PNLIPRP3: variants seen among roughly 807,000 people sequenced by gnomAD.
The protein encoded by PNLIPRP3 is pancreatic lipase-related protein 3.
A neutral mutation model predicts 52.8 loss-of-function variants in PNLIPRP3; 58 were observed. The ratio of observed to expected loss-of-function variants is 1.10; its 90% CI spans 0.89 to 1.37. The LOEUF (loss-of-function observed/expected upper bound fraction) is 1.37, where lower values mean the gene tolerates loss of function less well. PNLIPRP3 is among the 40% of genes most tolerant of loss of function. The pLI, the probability that PNLIPRP3 is intolerant of heterozygous loss-of-function variation, is 0.00. For missense variants in PNLIPRP3, 593 were observed against 561.6 expected, an observed-to-expected ratio of 1.06 and a Z score of -0.57; for synonymous variants, 192 against 185.0, an observed-to-expected ratio of 1.04 and a Z score of -0.31.
Position 116,458,435 on chromosome 10 carries a change from T to C in PNLIPRP3, c.566-2531T>C, listed in dbSNP as rs538084156. On this transcript the variant is annotated intron_variant, in intron 5 of 11. Coordinates refer to ENST00000369230, the MANE Select transcript of PNLIPRP3 (RefSeq NM_001011709.3). ...AATTCAATGTTCCCTCTTCCTTACG[T>C]CTTGGAAAGACTGTCTTTTTTTTTT... Among the ~76,000 whole-genome samples, 7 of 139,450 alleles carry C rather than the reference T, an allele frequency of 5.0e-5. No homozygotes were observed. The South Asian group carries it at 1.7e-3, about 34-fold the overall frequency. 91.5% of individuals were successfully genotyped at this position (139,450 alleles called of 152,430 possible). A position where few individuals can be genotyped will look rare whatever the true frequency, so the allele number is the denominator to read the frequency against.
intron 1 of PNLIPRP3, among the ~76,000 whole-genome samples, chr10:116,433,244 A>G (rs919728984): frequency 2.6e-5 from 4 of 151,974 alleles, no homozygotes; most frequent in African/African-American, 9.6e-5. Flanking sequence ...AAATTTCTAA[A>G]TGACAAAAGT....
chr10:116,443,157 CAG>C lies in PNLIPRP3; in HGVS notation c.313_314del (p.Asp105HisfsTer15). On this transcript the variant is annotated frameshift_variant, in exon 3 of 12. Transcript: ENST00000369230. LOFTEE classifies it high-confidence loss of function. ...IAGWKTDGKWQRDMCNVLLQL... is the reference protein window; with the variant it reads ...IAGWKTDGKWXRDMCNVLLQL... ...TGGATGGAAAACAGATGGCAAATGGCAGAGAGACATGTGCAATGTATGACATG... is the reference window on the plus strand; with the variant it reads ...TGGATGGAAAACAGATGGCAAATGGCAGAGACATGTGCAATGTATGACATG... The C allele has an allele frequency of 1.2e-6, 2 of 1,610,448 alleles. No individual in the cohort carries two copies. The highest frequency in any genetic ancestry group is 1.3e-5 in the African/African-American group (1 of 74,874).
chr10:116,477,270 T>C lies in PNLIPRP3; in HGVS notation c.*117T>C. On this transcript the variant is annotated 3_prime_UTR_variant, in exon 12 of 12. Transcript: ENST00000369230. ...TAAATGACTTAGTCATTTACAAGGGTCTTACTCAGAGTCAAGTACGGGTTT... is the reference window on the plus strand; with the variant it reads ...TAAATGACTTAGTCATTTACAAGGGCCTTACTCAGAGTCAAGTACGGGTTT... 1.3e-6 allele frequency: 1 copy of C among 753,612 alleles called. No individual in the cohort carries two copies. Among genetic ancestry groups the C allele is most frequent in the Non-Finnish European group, 2.1e-6 (1 of 472,286 alleles). The allele number at this position is 753,612 out of a possible 1,614,324, so 46.7% of individuals were successfully genotyped here.
chr10:116,450,353 T>C (rs1454797162), intron 4 of PNLIPRP3, among the ~76,000 whole-genome samples: 7 of 152,180 alleles, frequency 4.6e-5, no homozygotes, highest in African/African-American at 1.7e-4. Context: ...CCAAGACAAT[T>C]CTTCTTCCAC....
In PNLIPRP3 at chr10:116,477,170, G is replaced by A. The variant is rs1846484955; in HGVS notation, c.*17G>A. Reference sequence around the variant, plus strand: ...CCATGCTAATCTCAGATACAGTCTTGATGGATTTCTTTAGTAGGAGCAATG... The same window carrying A: ...CCATGCTAATCTCAGATACAGTCTTAATGGATTTCTTTAGTAGGAGCAATG... On this transcript the variant is annotated 3_prime_UTR_variant, in exon 12 of 12. Transcript: ENST00000369230. 6.4e-7 allele frequency: 1 copy of A among 1,564,690 alleles called. No individual in the cohort carries two copies. The highest frequency in any genetic ancestry group is 2.3e-5 in the East Asian group (1 of 44,376).
chr10:116,472,457 G>C (rs1846388126), intron 10 of PNLIPRP3, among the ~76,000 whole-genome samples: 1 of 152,010 alleles, frequency 6.6e-6, no homozygotes, highest in South Asian at 2.1e-4. Context: ...ATTTTATTCT[G>C]TAATTTATGT....
Position 116,474,138 on chromosome 10 carries a change from G to C in PNLIPRP3, c.1172+2259G>C, listed in dbSNP as rs573664171. On this transcript the variant is annotated intron_variant, in intron 10 of 11. Coordinates refer to ENST00000369230, the MANE Select transcript of PNLIPRP3 (RefSeq NM_001011709.3). ...AGAGAATAGAGAATCCAGAAATAAG[G>C]CCGCATACCTATAGCTATCTGATCT... Among the ~76,000 whole-genome samples, 761 of 152,048 alleles carry C rather than the reference G, an allele frequency of 5.0e-3. 6 individuals are homozygous for C. The highest frequency in any genetic ancestry group is 0.018 in the African/African-American group (737 of 41,480).
At position 116,477,139 on chromosome 10, in the gene PNLIPRP3, C is replaced by G. The variant is rs777595720; in HGVS notation, c.1390C>G (p.Leu464Val). The G allele has an allele frequency of 6.3e-7, 1 of 1,593,848 alleles. No homozygotes were observed. The change falls in exon 12 of 12, where the codon CTG becomes GTG. Residue 464 changes from leucine (L) to valine (V), a missense_variant. Physicochemically the swap from Leu to Val is conservative, Grantham distance 32 (BLOSUM62 1). Coordinates refer to ENST00000369230, the MANE Select transcript of PNLIPRP3 (RefSeq NM_001011709.3). Reference sequence around the variant, plus strand: ...TATGGGACCTAATATTCTCCAGAACCTGAAACCATGCTAATCTCAGATACA... The same window carrying G: ...TATGGGACCTAATATTCTCCAGAACGTGAAACCATGCTAATCTCAGATACA... ...DIMGPNILQN[L>V]KPC is the part of the protein sequence containing the mutation.
chr10:116,449,131 T>C (rs878950642), intron 4 of PNLIPRP3, among the ~76,000 whole-genome samples: 1 of 152,048 alleles, frequency 6.6e-6, no homozygotes, highest in African/African-American at 2.4e-5. Flanking sequence ...GGTTTGAAGG[T>C]ACACTGAGCT....
chr10:116,442,138 T>C lies in PNLIPRP3; in HGVS notation c.205-917T>C, dbSNP rs552260274. Reference sequence around the variant, plus strand: ...ATTTGCTGATTTAAGTATTCATTTTTTCCAATAGAATTGCTTATACTTGTG... The same window carrying C: ...ATTTGCTGATTTAAGTATTCATTTTCTCCAATAGAATTGCTTATACTTGTG... On this transcript the variant is annotated intron_variant, in intron 2 of 11. Transcript: ENST00000369230. Among the ~76,000 whole-genome samples, 5 of 152,370 alleles carry C rather than the reference T, an allele frequency of 3.3e-5. No individual in the cohort carries two copies. The East Asian group carries it at 9.6e-4, about 29-fold the overall frequency.
chr10:116,443,127 A>C lies in PNLIPRP3; in HGVS notation c.277A>C (p.Ile93Leu). ...AACAGACAAGATCACCCGTATCAAC[A>C]TAGCTGGATGGAAAACAGATGGCAA... ...FGTDKITRIN[I>L]AGWKTDGKWQ... Residue 93 changes from isoleucine to leucine, a missense_variant, in exon 3 of 12, where the codon ATA (isoleucine) becomes CTA (leucine). Physicochemically the swap from Ile to Leu is conservative, Grantham distance 5. Coordinates refer to ENST00000369230, the MANE Select transcript of PNLIPRP3 (RefSeq NM_001011709.3). The C allele has an allele frequency of 1.2e-6, 2 of 1,612,154 alleles. No individual in the cohort carries two copies. The highest frequency in any genetic ancestry group is 1.7e-6 in the Non-Finnish European group (2 of 1,178,788).
At chr10:116,456,241 C>T (rs1198894989) in intron 5 of PNLIPRP3, among the ~76,000 whole-genome samples, 1 of 152,156 alleles carries the variant, frequency 6.6e-6, no homozygotes, top group Non-Finnish European at 1.5e-5. Flanking sequence ...TACAAAAATC[C>T]ATAGCTAGAA....
chr10:116,444,331 G>A (rs758531619), intron 3 of PNLIPRP3, 51 bp from the exon 4 acceptor site: 18 of 1,461,432 alleles, frequency 1.2e-5, no homozygotes, highest in Non-Finnish European at 1.5e-5. Context: ...GAGACACGTC[G>A]GTTTCCTTGA....
chr10:116,435,402 G>T (rs1845759883), intron 1 of PNLIPRP3, among the ~76,000 whole-genome samples: 1 of 148,782 alleles, frequency 6.7e-6, no homozygotes, highest in East Asian at 2.0e-4. Context: ...TCAAAAAATA[G>T]AAGGTTACTG....
chr10:116,474,100 G>C (rs1412713613), intron 10 of PNLIPRP3, among the ~76,000 whole-genome samples: 1 of 151,956 alleles, frequency 6.6e-6, no homozygotes, highest in Non-Finnish European at 1.5e-5. Context: ...CAGACACATA[G>C]ACCCAACGGA....
At chr10:116,430,567 G>T (rs1055326125) in intron 1 of PNLIPRP3, among the ~76,000 whole-genome samples, 1 of 152,134 alleles carries the variant, frequency 6.6e-6, no homozygotes, top group Non-Finnish European at 1.5e-5. Flanking sequence ...AGAAGTTCAA[G>T]GAGAGTACAG....
chr10:116,445,222 A>G (rs1394379182), intron 4 of PNLIPRP3, among the ~76,000 whole-genome samples: 1 of 152,182 alleles, frequency 6.6e-6, no homozygotes, highest in Non-Finnish European at 1.5e-5. Context: ...GCTCTGACAA[A>G]ATGTACACTC....
rs1462341843 is a variant in PNLIPRP3 at position 116,461,073 on chromosome 10, C to T, written c.673C>T (p.Leu225Phe). Residue 225 changes from leucine to phenylalanine, a missense_variant, in exon 6 of 12, where the codon CTC becomes TTC. Leu to Phe is a conservative substitution (Grantham distance 22, BLOSUM62 0). Coordinates refer to ENST00000369230, the MANE Select transcript of PNLIPRP3 (RefSeq NM_001011709.3). ...DVIHTNAARI[L>F]FELGVGTIDA... is the part of the protein sequence containing the mutation. The stretch of plus-strand genomic sequence containing the variant: ...TATTCATACAAATGCAGCTCGCATC[C>T]TCTTTGAGCTTGGTAAGTTTTAACA... 10 of 1,614,048 alleles carry T rather than the reference C, an allele frequency of 6.2e-6. No homozygotes were observed. Among genetic ancestry groups the T allele is most frequent in the Non-Finnish European group, 7.6e-6 (9 of 1,180,042 alleles).
At position 116,451,050 on chromosome 10, in the gene PNLIPRP3, G is replaced by A. The variant is rs1467162375; in HGVS notation, c.457-4672G>A. ...AGTTCCTGATTTCAAAATTTATTATGAAAGTACAGCAATTAAAGCAGTGTG... is the reference window on the plus strand; with the variant it reads ...AGTTCCTGATTTCAAAATTTATTATAAAAGTACAGCAATTAAAGCAGTGTG... On this transcript the variant is annotated intron_variant, in intron 4 of 11. Coordinates refer to ENST00000369230, the MANE Select transcript of PNLIPRP3 (RefSeq NM_001011709.3). Among the ~76,000 whole-genome samples, 8 of 152,064 alleles carry A rather than the reference G, an allele frequency of 5.3e-5. No individual in the cohort carries two copies. In the South Asian group the frequency reaches 8.3e-4, roughly 16 times the overall value.
Sources: allele counts gnomAD v4.1 joint callset (sites outside exome capture counted in the v4.1 genomes callset), GRCh38; gene constraint gnomAD v4.1.1; transcripts MANE v1.5; gene names NCBI Gene and HGNC (gene_info 2026-07-23, HGNC 2026-07-21).